ZFYVE9: variants seen among roughly 807,000 people sequenced by gnomAD.
The protein encoded by ZFYVE9 is zinc finger FYVE domain-containing protein 9.
A neutral mutation model predicts 126.7 loss-of-function variants in ZFYVE9; 43 were observed. That is an observed-to-expected ratio of 0.34 (90% confidence interval 0.27 to 0.44). ZFYVE9 has a LOEUF of 0.44. Ranked by LOEUF, ZFYVE9 falls within the 20% of genes least tolerant of loss-of-function variation. The pLI, the probability that ZFYVE9 is intolerant of heterozygous loss-of-function variation, is 1.00. For missense variants in ZFYVE9, 1,476 were observed against 1,697.0 expected, an observed-to-expected ratio of 0.87 and a Z score of 2.29; for synonymous variants, 521 against 597.4, an observed-to-expected ratio of 0.87 and a Z score of 1.87.
chr1:52,275,125 G>T (rs757203039), intron 8 of ZFYVE9, among the ~76,000 whole-genome samples: 6 of 152,110 alleles, frequency 3.9e-5, no homozygotes, highest in Non-Finnish European at 5.9e-5. Flanking sequence ...GATTCAAAGG[G>T]TATATGTGCC....
intron 1 of ZFYVE9, among the ~76,000 whole-genome samples, chr1:52,211,339 T>A (rs1179574202): frequency 6.6e-6 from 1 of 152,176 alleles, no homozygotes; most frequent in African/African-American, 2.4e-5. Flanking sequence ...AGGTGCTACG[T>A]CACAATCACA....
rs571713218 is a variant in ZFYVE9 at position 52,346,176 on chromosome 1, C to T, written c.4233C>T (p.Pro1411=). The change falls in exon 19 of 19, where the codon CCC becomes CCT. Residue 1411 remains proline, a synonymous_variant. Transcript: ENST00000287727. ...HGGACQLSEG[P]VVMELIFYIL... ...GGGCCTGCCAGCTTAGTGAGGGCCC[C>T]GTTGTCATGGAACTCATCTTTTATA... 1.2e-4 allele frequency: 199 copies of T among 1,611,252 alleles called. No individual in the cohort carries two copies. Among genetic ancestry groups the T allele is most frequent in the Non-Finnish European group, 1.5e-4 (177 of 1,178,392 alleles).
intron 13 of ZFYVE9, among the ~76,000 whole-genome samples, chr1:52,327,968 T>C (rs1392214120): frequency 6.7e-6 from 1 of 150,178 alleles, no homozygotes; most frequent in African/African-American, 2.5e-5. Context: ...AGCAAGACTC[T>C]GTCTCAAAAA....
chr1:52,251,055 T>C (rs1471635671), intron 4 of ZFYVE9, among the ~76,000 whole-genome samples: 1 of 139,552 alleles, frequency 7.2e-6, no homozygotes, highest in Non-Finnish European at 1.6e-5. Context: ...TTGTTGTTGT[T>C]GTTGTTGTTT....
chr1:52,327,399 C>T (rs577185336), intron 13 of ZFYVE9, among the ~76,000 whole-genome samples: 10 of 150,778 alleles, frequency 6.6e-5, no homozygotes, highest in South Asian at 2.1e-4. Context: ...GTCAGGAGTT[C>T]GAAACCAGCT....
intron 8 of ZFYVE9, among the ~76,000 whole-genome samples, chr1:52,275,249 T>G (rs1055865554): frequency 6.6e-6 from 1 of 152,128 alleles, no homozygotes; most frequent in African/African-American, 2.4e-5. Context: ...TTTGTTTTTG[T>G]TTTTTGTTTT....
chr1:52,210,063 T>G (rs1242451189), intron 1 of ZFYVE9, among the ~76,000 whole-genome samples: 1 of 152,068 alleles, frequency 6.6e-6, no homozygotes, highest in Non-Finnish European at 1.5e-5. Flanking sequence ...TTTGAAAGAT[T>G]TAAGAGGTAA....
At chr1:52,267,044 TC>T (rs1248813356) in intron 6 of ZFYVE9, among the ~76,000 whole-genome samples, 1 of 152,196 alleles carries the variant, frequency 6.6e-6, no homozygotes, top group African/African-American at 2.4e-5. Flanking sequence ...TAGAGGCACC[TC>T]AGAATATATG....
intron 1 of ZFYVE9, chr1:52,160,527 C>T (rs566343218): frequency 1.5e-4 from 113 of 777,662 alleles, no homozygotes; most frequent in Non-Finnish European, 2.4e-5. Flanking sequence ...ACGCTGATGC[C>T]CCAGCCCTTG....
At position 52,142,726 on chromosome 1, in the gene ZFYVE9, C is replaced by T. The variant is rs1186336882; in HGVS notation, c.-143+323C>T. ...CCGGGCCGAGCGCAGCCTCTTAGCC[C>T]GGGCCCTGCACGTACATCCCGGAGG... is the stretch of plus-strand genomic sequence containing the variant. On this transcript the variant is annotated intron_variant, in intron 1 of 18. Coordinates refer to ENST00000287727, the MANE Select transcript of ZFYVE9 (RefSeq NM_004799.4). The surrounding 1 kb of genome is among the most constrained non-coding windows in gnomAD (Gnocchi z 4.5). Among the ~76,000 whole-genome samples the T allele has an allele frequency of 6.6e-6, 1 of 152,140 alleles. No individual in the cohort carries two copies.
intron 1 of ZFYVE9, among the ~76,000 whole-genome samples, chr1:52,143,758 AG>A (rs1186123860): frequency 6.6e-6 from 1 of 152,256 alleles, no homozygotes; most frequent in Non-Finnish European, 1.5e-5. Flanking sequence ...TTAAAACAGA[AG>A]AATATGGGTA....
chr1:52,332,153 C>T (rs1236220464), intron 13 of ZFYVE9, among the ~76,000 whole-genome samples: 3 of 151,818 alleles, frequency 2.0e-5, no homozygotes, highest in African/African-American at 7.3e-5. Context: ...AGTTTAACAT[C>T]AAGGTGAGTT....
At chr1:52,323,026 G>A (rs998332939) in intron 13 of ZFYVE9, among the ~76,000 whole-genome samples, 1 of 151,986 alleles carries the variant, frequency 6.6e-6, no homozygotes. Context: ...GGATGGTCTT[G>A]ATCTCCTGAC....
In ZFYVE9 at chr1:52,273,100, G is replaced by A. The variant is rs1475608003; in HGVS notation, c.2626-1364G>A. ...TAGCTCACTGAAACCTCCGCCTCCTGGGTTCAAGTGATTCTCCTGCCTCAG... is the reference window on the plus strand; with the variant it reads ...TAGCTCACTGAAACCTCCGCCTCCTAGGTTCAAGTGATTCTCCTGCCTCAG... On this transcript the variant is annotated intron_variant, in intron 7 of 18. Coordinates refer to ENST00000287727, the MANE Select transcript of ZFYVE9 (RefSeq NM_004799.4). Among the ~76,000 whole-genome samples the A allele has an allele frequency of 2.6e-5, 4 of 151,976 alleles. No individual in the cohort carries two copies. In the South Asian group the frequency reaches 6.3e-4, roughly 24 times the overall value.
intron 10 of ZFYVE9, among the ~76,000 whole-genome samples, chr1:52,284,068 C>T (rs1379304301): frequency 1.3e-5 from 2 of 152,140 alleles, no homozygotes. Context: ...GCCTCAGATT[C>T]CTCGCTTGAG....
intron 1 of ZFYVE9, among the ~76,000 whole-genome samples, chr1:52,186,659 G>GAC (rs1229248092): frequency 5.9e-5 from 9 of 152,120 alleles, no homozygotes; most frequent in African/African-American, 2.2e-4. Flanking sequence ...AGCATTCCTA[G>GAC]ACACTGACAG....
rs1415096582 is a variant in ZFYVE9 at position 52,344,951 on chromosome 1, T to C, written c.4116+7T>C. On this transcript the variant is annotated splice_region_variant and intron_variant, in intron 18 of 18. Coordinates refer to ENST00000287727, the MANE Select transcript of ZFYVE9 (RefSeq NM_004799.4). ...GACACTTGACTCAGATCAGGTATGATGTGTCTTCCGCAGCTTTTAAAGCTG... is the reference window on the plus strand; with the variant it reads ...GACACTTGACTCAGATCAGGTATGACGTGTCTTCCGCAGCTTTTAAAGCTG... 6 of 1,613,258 alleles carry C rather than the reference T, an allele frequency of 3.7e-6. No individual in the cohort carries two copies. In the African/African-American group the frequency reaches 4.0e-5, roughly 11 times the overall value.
chr1:52,241,647 A>G (rs1645335191), intron 4 of ZFYVE9, among the ~76,000 whole-genome samples: 1 of 152,192 alleles, frequency 6.6e-6, no homozygotes, highest in Non-Finnish European at 1.5e-5. Flanking sequence ...TGTGGAATTT[A>G]TGAATTCATG....
At chr1:52,295,403 A>G (rs1409441693) in intron 11 of ZFYVE9, among the ~76,000 whole-genome samples, 2 of 152,042 alleles carry the variant, frequency 1.3e-5, no homozygotes, top group African/African-American at 4.8e-5. Flanking sequence ...TCTGTCACCA[A>G]GGCTGGAGTG....
Sources: allele counts gnomAD v4.1 joint callset (sites outside exome capture counted in the v4.1 genomes callset), GRCh38; gene constraint gnomAD v4.1.1; non-coding constraint Gnocchi (gnomAD v3.1); transcripts MANE v1.5; gene names NCBI Gene and HGNC (gene_info 2026-07-23, HGNC 2026-07-21).